GSS: variants seen among roughly 807,000 people sequenced by gnomAD.
GSS encodes the protein GSH synthetase.
In GSS, 34 loss-of-function variants were observed where a neutral mutation model predicts 60.4. That is an observed-to-expected ratio of 0.56 (90% confidence interval 0.43 to 0.75). GSS has a LOEUF of 0.75. Ranked by LOEUF, GSS falls within the 30% of genes least tolerant of loss-of-function variation. The pLI is 0.00. For synonymous variants in GSS, 224 were observed against 239.0 expected (o/e 0.94, Z 0.58); for missense variants, 499 against 595.1 (o/e 0.84, Z 1.68).
chr20:34,932,092 G>C lies in GSS; in HGVS notation c.876C>G (p.Ala292=). The C allele has an allele frequency of 6.2e-7, 1 of 1,614,138 alleles. No individual in the cohort carries two copies. The highest frequency in any genetic ancestry group is 1.7e-5 in the Admixed American group (1 of 60,034). Residue 292 remains alanine, a synonymous_variant, in exon 10 of 13, where the codon GCC becomes GCG. Transcript: ENST00000651619. ...ARLLLERSHA[A]KCPDIATQLA... ...GCTGGGTGGCAATGTCTGGGCACTT[G>C]GCAGCATGTGACCTCTCCAGCAGTA...
At chr20:34,947,601 T>C (rs1380719026) in intron 2 of GSS, among the ~76,000 whole-genome samples, 1 of 152,198 alleles carries the variant, frequency 6.6e-6, no homozygotes, top group Non-Finnish European at 1.5e-5. Flanking sequence ...TATATATGTA[T>C]ACACATATAT....
Position 34,942,584 on chromosome 20 carries a change from C to T in GSS, c.395G>A (p.Arg132His), listed in dbSNP as rs142623481. 237 of 1,613,890 alleles carry T rather than the reference C, an allele frequency of 1.5e-4. No individual in the cohort carries two copies. The highest frequency in any genetic ancestry group is 1.7e-4 in the Non-Finnish European group (206 of 1,179,918). The change falls in exon 5 of 13, where the codon CGC (arginine) becomes CAC (histidine). Residue 132 changes from arginine to histidine, a missense_variant. Coordinates refer to ENST00000651619, the MANE Select transcript of GSS (RefSeq NM_000178.4). ...GLNRSDYMFQRSADGSPALKQ... is the reference protein window; with the variant it reads ...GLNRSDYMFQHSADGSPALKQ... ...CAGGGCTGGGGAGCCATCTGCGCTG[C>T]GCTGGAACATGTAGTCTGAGCGATT...
chr20:34,931,535 A>G lies in GSS; in HGVS notation c.1030-118T>C, dbSNP rs143838839. ...AAGAGCAGGAGGGAGAACAGCCACA[A>G]ATTCCTTCAGGCAGGATGCTACTAT... On this transcript the variant is annotated intron_variant, in intron 10 of 12. Transcript: ENST00000651619. 1,393 of 809,146 alleles carry G rather than the reference A, an allele frequency of 1.7e-3. 18 individuals carry two copies. In the African/African-American group the frequency reaches 0.019, roughly 11 times the overall value. 50.1% of individuals were successfully genotyped at this position (809,146 alleles called of 1,614,324 possible).
chr20:34,953,081 G>C (rs150066851), intron 1 of GSS, among the ~76,000 whole-genome samples: 1 of 152,312 alleles, frequency 6.6e-6, no homozygotes, highest in East Asian at 1.9e-4. Context: ...TGGTTGCCCA[G>C]AGACATACAG....
intron 9 of GSS, among the ~76,000 whole-genome samples, chr20:34,932,385 C>G (rs2081409178): frequency 6.6e-6 from 1 of 152,164 alleles, no homozygotes; most frequent in South Asian, 2.1e-4. Flanking sequence ...AAGGGTAGAA[C>G]ATTTGTCTAC....
At chr20:34,935,550 A>C (rs1362378096) in intron 9 of GSS, 26 bp downstream of exon 9, 1 of 1,548,880 alleles carries the variant, frequency 6.5e-7, no homozygotes, top group East Asian at 2.2e-5. Flanking sequence ...CAGGAGGCAA[A>C]GAATGGTCTC....
chr20:34,943,370 A>G (rs1205312480), intron 3 of GSS, among the ~76,000 whole-genome samples: 1 of 152,232 alleles, frequency 6.6e-6, no homozygotes, highest in African/African-American at 2.4e-5. Context: ...AGAAAATGAC[A>G]TGATGTATCT....
intron 12 of GSS, 77 bp from the exon 13 acceptor site, chr20:34,929,028 G>A (rs2081376693): frequency 1.3e-6 from 2 of 1,550,430 alleles, no homozygotes; most frequent in Non-Finnish European, 1.8e-6. Context: ...ACCCAGCTGA[G>A]CAGTACCTGG....
intron 9 of GSS, among the ~76,000 whole-genome samples, chr20:34,935,171 T>C (rs2081431146): frequency 6.6e-6 from 1 of 151,994 alleles, no homozygotes; most frequent in Non-Finnish European, 1.5e-5. Context: ...CAAAATGAGG[T>C]GATATAACTG....
intron 9 of GSS, among the ~76,000 whole-genome samples, chr20:34,932,868 G>A (rs2081413121): frequency 6.6e-6 from 1 of 151,326 alleles, no homozygotes; most frequent in Non-Finnish European, 1.5e-5. Flanking sequence ...CTTTTGAGAC[G>A]TGGGTCTTGC....
In GSS at chr20:34,932,024, C is replaced by A. The variant is rs199916857; in HGVS notation, c.944G>T (p.Gly315Val). The A allele has an allele frequency of 8.7e-6, 14 of 1,614,222 alleles. No homozygotes were observed. In the African/African-American group the frequency reaches 1.3e-4, roughly 15 times the overall value. ...KKVQQELSRP[G>V]MLEMLLPGQP... Reference sequence around the variant, plus strand: ...GCCAGGGAGCAACATCTCCAGCATGCCCGGCCTGCTTAGCTCCTGCTGCAC... The same window carrying A: ...GCCAGGGAGCAACATCTCCAGCATGACCGGCCTGCTTAGCTCCTGCTGCAC... Residue 315 changes from glycine to valine, a missense_variant, in exon 10 of 13, where the codon GGC becomes GTC. Coordinates refer to ENST00000651619, the MANE Select transcript of GSS (RefSeq NM_000178.4).
chr20:34,941,868 C>T, intron 5 of GSS, 39 bp from the exon 6 acceptor site: 1 of 1,095,384 alleles, frequency 9.1e-7, no homozygotes, highest in Non-Finnish European at 1.4e-6. Flanking sequence ...ATTGGATGGA[C>T]CTGGAAGACC....
chr20:34,950,036 T>G (rs7344898), intron 2 of GSS: 1 of 45,802 alleles, frequency 2.2e-5, no homozygotes, highest in African/African-American at 1.2e-4. Flanking sequence ...CACACACACA[T>G]ACACACACAC....
chr20:34,928,827 C>G lies in GSS; in HGVS notation c.*1G>C. Reference sequence around the variant, plus strand: ...GAAGGTCCCGTGGCCTGGTTGTGCCCTCACACAGGGTATGGGTTGTCCAGG... The same window carrying G: ...GAAGGTCCCGTGGCCTGGTTGTGCCGTCACACAGGGTATGGGTTGTCCAGG... On this transcript the variant is annotated 3_prime_UTR_variant, in exon 13 of 13. Transcript: ENST00000651619. 2 of 1,614,096 alleles carry G rather than the reference C, an allele frequency of 1.2e-6. No individual in the cohort carries two copies. Among genetic ancestry groups the G allele is most frequent in the Non-Finnish European group, 1.7e-6 (2 of 1,180,008 alleles).
At chr20:34,929,147 C>T in intron 12 of GSS, 196 bp from the exon 13 acceptor site, 1 of 723,744 alleles carries the variant, frequency 1.4e-6, no homozygotes. Context: ...CCTCTTGGTG[C>T]TATTTGGAGT....
intron 9 of GSS, 60 bp from the exon 10 acceptor site, chr20:34,932,193 G>T: frequency 1.5e-6 from 2 of 1,319,092 alleles, no homozygotes; most frequent in South Asian, 1.2e-5. Flanking sequence ...GACGTTTACT[G>T]AACATCCATC....
chr20:34,944,808 C>T (rs920883231), intron 3 of GSS, among the ~76,000 whole-genome samples: 1 of 152,104 alleles, frequency 6.6e-6, no homozygotes, highest in African/African-American at 2.4e-5. Flanking sequence ...GTTTTGACTG[C>T]ACCTGTCACA....
intron 3 of GSS, among the ~76,000 whole-genome samples, chr20:34,945,391 A>G (rs2081513061): frequency 6.6e-6 from 1 of 151,494 alleles, no homozygotes; most frequent in South Asian, 2.1e-4. Flanking sequence ...AAGAAAAAAA[A>G]AAAAAGATCA....
chr20:34,929,078 C>T (rs2081377090), intron 12 of GSS, 127 bp from the exon 13 acceptor site: 3 of 1,098,490 alleles, frequency 2.7e-6, no homozygotes, highest in Non-Finnish European at 4.1e-6. Context: ...ATTTTAGAGT[C>T]TCTATGCCTC....
Sources: gnomAD v4.1 joint callset for allele counts (sites outside exome capture counted in the v4.1 genomes callset) on GRCh38, gnomAD v4.1.1 for gene constraint, MANE v1.5 for transcripts, NCBI Gene and HGNC (gene_info 2026-07-23, HGNC 2026-07-21) for gene names.